Variants in HHLA2 observed in about 807,000 individuals in gnomAD.
HHLA2 encodes the protein HHLA2 member of B7 family.
A neutral mutation model predicts 45.9 loss-of-function variants in HHLA2; 48 were observed. The ratio of observed to expected loss-of-function variants is 1.05; its 90% CI spans 0.83 to 1.33. The LOEUF (loss-of-function observed/expected upper bound fraction) is 1.33, where lower values mean the gene tolerates loss of function less well. HHLA2 is among the 40% of genes most tolerant of loss of function. The probability of loss-of-function intolerance (pLI) is 0.00; values close to 1 mark genes in which losing one functional copy is unlikely to be tolerated. For synonymous variants in HHLA2, 161 were observed against 173.9 expected (o/e 0.93, Z 0.59); for missense variants, 462 against 494.3 (o/e 0.93, Z 0.62).
At chr3:108,311,553 T>C (rs1436474522) in intron 2 of HHLA2, among the ~76,000 whole-genome samples, 1 of 152,160 alleles carries the variant, frequency 6.6e-6, no homozygotes, top group Non-Finnish European at 1.5e-5. Flanking sequence ...CCTCCAACTT[T>C]TCTAGAGCCA....
intron 7 of HHLA2, among the ~76,000 whole-genome samples, chr3:108,359,811 T>C (rs1016341663): frequency 6.6e-6 from 1 of 152,194 alleles, no homozygotes; most frequent in African/African-American, 2.4e-5. Context: ...CCTTGGGGGA[T>C]ATGTTCCAAG....
At chr3:108,321,107 A>AAAAAAAAAAAAAAAAAAAAAAAAAAAAAC (rs2081193198) in intron 2 of HHLA2, among the ~76,000 whole-genome samples, 1 of 150,544 alleles carries the variant, frequency 6.6e-6, no homozygotes, top group Non-Finnish European at 1.5e-5. Flanking sequence ...AAAAAAAAAA[A>AAAAAAAAAAAAAAAAAAAAAAAAAAAAAC]AAAAAGACTG....
At chr3:108,376,667 GA>G (rs1454571464) in intron 10 of HHLA2, 110 bp downstream of exon 9, 3 of 883,916 alleles carry the variant, frequency 3.4e-6, no homozygotes, top group Non-Finnish European at 5.2e-6. Context: ...CTTTTATACA[GA>G]AAAAAACAGC....
chr3:108,355,527 G>A, intron 6 of HHLA2, 146 bp downstream of exon 5: 1 of 861,100 alleles, frequency 1.2e-6, no homozygotes. Flanking sequence ...GAAGCCCTAG[G>A]GCTGGTTCTT....
intron 3 of HHLA2, among the ~76,000 whole-genome samples, chr3:108,351,122 T>C (rs1443206776): frequency 6.6e-6 from 1 of 152,254 alleles, no homozygotes; most frequent in Non-Finnish European, 1.5e-5. Context: ...TTGTACTTGC[T>C]TGAAACTGTA....
intron 2 of HHLA2, chr3:108,326,552 A>T (rs2081292024): frequency 6.6e-6 from 1 of 152,246 alleles, no homozygotes. Context: ...CTACAATTCA[A>T]GATAAAATTT....
chr3:108,377,504 G>A (rs2082295125), exon 11 of HHLA2: 1 of 513,396 alleles, frequency 1.9e-6, no homozygotes. Context: ...ATGCCTGGAT[G>A]TTAAGGATTC....
intron 7 of HHLA2, among the ~76,000 whole-genome samples, chr3:108,358,383 G>C (rs1014385387): frequency 5.3e-5 from 8 of 152,106 alleles, no homozygotes; most frequent in African/African-American, 1.9e-4. Flanking sequence ...TTTCCTTTCA[G>C]GATTTTGGGG....
At chr3:108,373,394 G>C (rs2082215494) in intron 8 of HHLA2, among the ~76,000 whole-genome samples, 1 of 151,632 alleles carries the variant, frequency 6.6e-6, no homozygotes, top group Non-Finnish European at 1.5e-5. Context: ...ACAAAAACTG[G>C]AAGCATTCCC....
intron 1 of HHLA2, among the ~76,000 whole-genome samples, chr3:108,297,173 T>A (rs1021884636): frequency 5.3e-5 from 8 of 152,302 alleles, no homozygotes; most frequent in African/African-American, 1.9e-4. Flanking sequence ...AAAACAAGAT[T>A]CAAAAAGTTA....
At chr3:108,371,064 G>A (rs2082161513) in intron 8 of HHLA2, among the ~76,000 whole-genome samples, 1 of 152,174 alleles carries the variant, frequency 6.6e-6, no homozygotes, top group African/African-American at 2.4e-5. Flanking sequence ...AAAATGTTAA[G>A]GGCAGCCAGA....
chr3:108,357,861 C>G (rs756686358), exon 7 of HHLA2: 1 of 1,605,276 alleles, frequency 6.2e-7, no homozygotes, highest in African/African-American at 1.3e-5. Flanking sequence ...TCATAAAATG[C>G]AAAGTGAACA....
At chr3:108,330,613 G>A (rs1185225971) in intron 3 of HHLA2, among the ~76,000 whole-genome samples, 1 of 152,140 alleles carries the variant, frequency 6.6e-6, no homozygotes, top group African/African-American at 2.4e-5. Flanking sequence ...AAGAAACTGG[G>A]ATGATGTGAA....
In HHLA2 at chr3:108,314,704, T is replaced by C. The variant is rs1438381079; in HGVS notation, c.-105+3963T>C. Among the ~76,000 whole-genome samples, 4 of 152,362 alleles carry C rather than the reference T, an allele frequency of 2.6e-5. No homozygotes were observed. The East Asian group carries it at 5.8e-4, about 22-fold the overall frequency. On this transcript the variant is annotated intron_variant, in intron 2 of 10. Transcript: ENST00000619531. ...CCAGACATTTTACTTCATCGATTGATGTGTGGATGAAATACATTATTTTTA... is the reference window on the plus strand; with the variant it reads ...CCAGACATTTTACTTCATCGATTGACGTGTGGATGAAATACATTATTTTTA...
rs147302228 is a variant in HHLA2, at chr3:108,355,196, G to A, written c.500G>A (p.Arg167His). 1,431 of 1,613,704 alleles carry A rather than the reference G, an allele frequency of 8.9e-4. 15 individuals carry two copies. In the African/African-American group the frequency reaches 0.017, roughly 20 times the overall value. The change falls in exon 6 of 11, where the codon CGT becomes CAT. Residue 167 changes from arginine (R) to histidine (H), a missense_variant. This residue lies in a region of HHLA2 where 335 missense variants were observed against 367.4 expected (regional missense o/e 0.91). Coordinates refer to ENST00000619531, the Ensembl canonical transcript of HHLA2. ...TGCAGCGTGTTAAGTGTTTATCCTC[G>A]TCCAATTATCACGTGGAAAATGGAC...
At chr3:108,323,381 C>A (rs2081237398) in intron 2 of HHLA2, among the ~76,000 whole-genome samples, 1 of 151,878 alleles carries the variant, frequency 6.6e-6, no homozygotes, top group Non-Finnish European at 1.5e-5. Context: ...TTCTCATGTA[C>A]CCCATAAATA....
intron 3 of HHLA2, among the ~76,000 whole-genome samples, chr3:108,329,153 G>A (rs1157435482): frequency 6.6e-6 from 1 of 152,176 alleles, no homozygotes; most frequent in African/African-American, 2.4e-5. Context: ...AAATTGCTAT[G>A]TTCTCAGCAT....
At chr3:108,376,466 TTTAAG>T in intron 9 of HHLA2, 22 bp from the exon 9 acceptor site, 4 of 1,582,708 alleles carry the variant, frequency 2.5e-6, no homozygotes, top group Non-Finnish European at 2.6e-6. Flanking sequence ...AGAAATTATT[TTTAAG>T]TTCTCTTTTT....
At chr3:108,337,306 A>G (rs920677049) in intron 3 of HHLA2, among the ~76,000 whole-genome samples, 2 of 152,156 alleles carry the variant, frequency 1.3e-5, no homozygotes, top group Non-Finnish European at 2.9e-5. Context: ...ATTAGAAACA[A>G]AAGTTTACTG....
Sources: allele counts gnomAD v4.1 joint callset (sites outside exome capture counted in the v4.1 genomes callset), GRCh38; gene constraint gnomAD v4.1.1; regional missense constraint gnomAD v4.1.1; transcripts MANE v1.5; gene names NCBI Gene and HGNC (gene_info 2026-07-23, HGNC 2026-07-21).